The following RXFP1 variants were observed in gnomAD, a reference collection of about 807,000 sequenced individuals.
RXFP1 encodes relaxin family peptide receptor 1.
A neutral mutation model predicts 89.8 loss-of-function variants in RXFP1; 73 were observed. The ratio of observed to expected loss-of-function variants is 0.81; its 90% CI spans 0.67 to 0.99. The LOEUF is 0.99. RXFP1 is among the 50% of genes least tolerant of loss of function. The pLI, the probability that RXFP1 is intolerant of heterozygous loss-of-function variation, is 0.00. For synonymous variants in RXFP1, 277 were observed against 305.5 expected, an observed-to-expected ratio of 0.91 and a Z score of 0.97; for missense variants, 793 against 895.5, an observed-to-expected ratio of 0.89 and a Z score of 1.46.
chr4:158,550,045 C>T (rs552757098), intron 1 of RXFP1, among the ~76,000 whole-genome samples: 2 of 152,238 alleles, frequency 1.3e-5, no homozygotes, highest in Non-Finnish European at 2.9e-5. Context: ...GCCCTGCCCC[C>T]AGAGGTGGAG....
rs902104093 is a variant in RXFP1 at position 158,524,842 on chromosome 4, C to A, written c.49+2817C>A. On this transcript the variant is annotated intron_variant, in intron 1 of 17. Transcript: ENST00000307765. ...AATGATATCACTAAGCAAAACAATT[C>A]TTTTAATGTTTTAGATAGGCAGGAA... is the stretch of plus-strand genomic sequence containing the variant. Among the ~76,000 whole-genome samples the A allele has an allele frequency of 8.4e-4, 14 of 16,642 alleles. No homozygotes were observed. The Non-Finnish European group carries it at 0.018, about 21-fold the overall frequency. The allele number at this position is 16,642 out of a possible 152,430, so 10.9% of individuals were successfully genotyped here. A position where few individuals can be genotyped will look rare whatever the true frequency, so the allele number is the denominator to read the frequency against.
At position 158,645,025 on chromosome 4, in the gene RXFP1, T is replaced by C; in HGVS notation, c.1232T>C (p.Phe411Ser). ...NLLASIIQRVFVWVVSAVTCF... is the reference protein window; with the variant it reads ...NLLASIIQRVSVWVVSAVTCF... ...TTGGCAAGCATTATTCAGAGAGTAT[T>C]TGTCTGGGTTGTATCTGCAGTTACC... Residue 411 changes from phenylalanine to serine, a missense_variant, in exon 15 of 18, where the codon TTT (phenylalanine) becomes TCT (serine). Phe to Ser is a radical substitution (Grantham distance 155). Transcript: ENST00000307765. The C allele has an allele frequency of 6.2e-7, 1 of 1,614,140 alleles. No homozygotes were observed. The highest frequency in any genetic ancestry group is 8.5e-7 in the Non-Finnish European group (1 of 1,179,974).
At chr4:158,527,053 C>T (rs574069064) in intron 1 of RXFP1, among the ~76,000 whole-genome samples, 1 of 152,220 alleles carries the variant, frequency 6.6e-6, no homozygotes, top group East Asian at 1.9e-4. Context: ...AGACAGGGTG[C>T]TCAGTTGAAC....
intron 1 of RXFP1, among the ~76,000 whole-genome samples, chr4:158,567,057 C>T (rs546450072): frequency 6.6e-6 from 1 of 152,304 alleles, no homozygotes; most frequent in South Asian, 2.1e-4. Flanking sequence ...GCCCGCCAGT[C>T]AGGGGTAGTG....
chr4:158,618,132 A>T (rs1185885011), intron 9 of RXFP1, among the ~76,000 whole-genome samples: 1 of 152,148 alleles, frequency 6.6e-6, no homozygotes, highest in Non-Finnish European at 1.5e-5. Flanking sequence ...TGTACATTGA[A>T]AACAAGCTAA....
chr4:158,546,445 C>G (rs1426896292), intron 1 of RXFP1, among the ~76,000 whole-genome samples: 1 of 152,066 alleles, frequency 6.6e-6, no homozygotes, highest in African/African-American at 2.4e-5. Flanking sequence ...CCTTTATTTC[C>G]TTCTCCTGCC....
At chr4:158,534,734 T>A (rs915746705) in intron 1 of RXFP1, among the ~76,000 whole-genome samples, 19 of 151,808 alleles carry the variant, frequency 1.3e-4, no homozygotes, top group African/African-American at 4.6e-4. Flanking sequence ...AATTTGTCAA[T>A]GTCACGGGCA....
chr4:158,626,417 T>C (rs1766841031), intron 9 of RXFP1, among the ~76,000 whole-genome samples: 1 of 152,148 alleles, frequency 6.6e-6, no homozygotes, highest in Non-Finnish European at 1.5e-5. Flanking sequence ...ATGCAGACTG[T>C]AGCAAAATAA....
At chr4:158,602,420 T>C (rs1761856671) in intron 4 of RXFP1, among the ~76,000 whole-genome samples, 1 of 152,154 alleles carries the variant, frequency 6.6e-6, no homozygotes, top group Non-Finnish European at 1.5e-5. Flanking sequence ...ATACTAAACA[T>C]TCTTGCTTGT....
At chr4:158,534,154 A>C (rs879302015) in intron 1 of RXFP1, among the ~76,000 whole-genome samples, 2 of 152,088 alleles carry the variant, frequency 1.3e-5, no homozygotes, top group African/African-American at 4.8e-5. Context: ...TTCTGGGGAA[A>C]TTGTGGCAGA....
At chr4:158,626,160 A>ATAGT (rs1766765163) in intron 9 of RXFP1, among the ~76,000 whole-genome samples, 6 of 142,850 alleles carry the variant, frequency 4.2e-5, no homozygotes, top group African/African-American at 1.7e-4. Flanking sequence ...AGATAGATAG[A>ATAGT]TAGATAGATA....
intron 12 of RXFP1, among the ~76,000 whole-genome samples, chr4:158,637,314 C>T (rs72693376): frequency 1.3e-5 from 2 of 151,890 alleles, no homozygotes; most frequent in Non-Finnish European, 2.9e-5. Context: ...TTGAGGAAGC[C>T]CCATACTATT....
intron 6 of RXFP1, among the ~76,000 whole-genome samples, chr4:158,610,043 A>G (rs1763270151): frequency 6.6e-6 from 1 of 152,146 alleles, no homozygotes. Flanking sequence ...AGGTGGAAGG[A>G]TCACGAGGTC....
chr4:158,651,785 T>C lies in RXFP1; in HGVS notation c.2004T>C (p.Phe668=). Residue 668 remains phenylalanine, a synonymous_variant, in exon 18 of 18, where the codon TTT becomes TTC. Coordinates refer to ENST00000307765, the MANE Select transcript of RXFP1 (RefSeq NM_021634.4). ...CCATAACCTCTTGGGTAGTGATTTT[T>C]ATTCTGCCCATTAACAGTGCTTTGA... ...PGTITSWVVI[F]ILPINSALNP... is the part of the protein sequence containing the mutation. The C allele has an allele frequency of 1.2e-6, 2 of 1,612,292 alleles. No homozygotes were observed. The highest frequency in any genetic ancestry group is 1.7e-6 in the Non-Finnish European group (2 of 1,179,270).
At chr4:158,642,478 C>G (rs180823718) in intron 14 of RXFP1, among the ~76,000 whole-genome samples, 66 of 152,268 alleles carry the variant, frequency 4.3e-4, no homozygotes, top group African/African-American at 1.6e-3. Context: ...GTAGTATCCT[C>G]TGTTCTACTT....
At chr4:158,569,371 C>G (rs1256119331) in intron 1 of RXFP1, among the ~76,000 whole-genome samples, 2 of 152,264 alleles carry the variant, frequency 1.3e-5, no homozygotes, top group East Asian at 1.9e-4. Flanking sequence ...ATACATTTGT[C>G]CAAACCCATA....
chr4:158,542,326 A>G (rs1204918227), intron 1 of RXFP1, among the ~76,000 whole-genome samples: 1 of 151,682 alleles, frequency 6.6e-6, no homozygotes, highest in Non-Finnish European at 1.5e-5. Context: ...ATCAGGAAAC[A>G]ATGACATTGT....
intron 5 of RXFP1, chr4:158,606,906 ACAAT>A (rs1328017659): frequency 1.9e-5 from 13 of 678,096 alleles, no homozygotes; most frequent in Non-Finnish European, 3.1e-5. Flanking sequence ...ATAACATTTC[ACAAT>A]CAAAGTTAGG....
At chr4:158,577,258 C>A (rs1282482300) in intron 2 of RXFP1, among the ~76,000 whole-genome samples, 3 of 152,080 alleles carry the variant, frequency 2.0e-5, no homozygotes. Flanking sequence ...AGGATGGTCT[C>A]AATCTCCAGA....
Sources: gnomAD v4.1 joint callset for allele counts (sites outside exome capture counted in the v4.1 genomes callset) on GRCh38, gnomAD v4.1.1 for gene constraint, MANE v1.5 for transcripts, NCBI Gene and HGNC (gene_info 2026-07-23, HGNC 2026-07-21) for gene names.